The following ZBTB16 variants were observed in gnomAD, a reference collection of about 807,000 sequenced individuals.
ZBTB16 encodes zinc finger and BTB domain-containing protein 16.
ZBTB16 carries 8 observed loss-of-function variants against 56.8 expected under a neutral mutation model. The ratio of observed to expected loss-of-function variants is 0.14; its 90% confidence interval spans 0.08 to 0.25. ZBTB16 has a LOEUF of 0.25. Ranked by LOEUF, ZBTB16 falls within the 10% of genes least tolerant of loss-of-function variation. The pLI, the probability that ZBTB16 is intolerant of heterozygous loss-of-function variation, is 1.00. For synonymous variants in ZBTB16, 363 were observed against 368.5 expected, an observed-to-expected ratio of 0.98 and a Z score of 0.17; for missense variants, 625 against 903.0, an observed-to-expected ratio of 0.69 and a Z score of 3.95.
rs1301172755 is a variant in ZBTB16 at position 114,253,846 on chromosome 11, G to C, written c.*3291G>C. Among the ~76,000 whole-genome samples, 1 of 152,164 alleles carries C rather than the reference G, an allele frequency of 6.6e-6. No individual in the cohort carries two copies. The highest frequency in any genetic ancestry group is 1.5e-5 in the Non-Finnish European group (1 of 68,032). On this transcript the variant is annotated 3_prime_UTR_variant, in exon 7 of 7. Coordinates refer to ENST00000335953, the MANE Select transcript of ZBTB16 (RefSeq NM_006006.6). ...TCTGGAGTTAAGGGGAGAGGAGGAGGGTAGACAGGGGTCTCTCCCCAGGTG... is the reference window on the plus strand; with the variant it reads ...TCTGGAGTTAAGGGGAGAGGAGGAGCGTAGACAGGGGTCTCTCCCCAGGTG...
At chr11:114,066,769 T>G in intron 2 of ZBTB16, among the ~76,000 whole-genome samples, 1 of 1,986 alleles carries the variant, frequency 5.0e-4, no homozygotes, top group East Asian at 0.019. Context: ...ACTCACTACA[T>G]TTTTTTTTTT....
At chr11:114,179,976 T>G (rs545480765) in intron 3 of ZBTB16, among the ~76,000 whole-genome samples, 1 of 152,266 alleles carries the variant, frequency 6.6e-6, no homozygotes, top group Non-Finnish European at 1.5e-5. Flanking sequence ...AAGCTTTATG[T>G]TTTTGAAAGT....
rs766176520 is a variant in ZBTB16 at position 114,156,323 on chromosome 11, C to T, written c.1269-14C>T. 2 of 1,614,082 alleles carry T rather than the reference C, an allele frequency of 1.2e-6. No individual in the cohort carries two copies. The highest frequency in any genetic ancestry group is 2.2e-5 in the East Asian group (1 of 44,886). On this transcript the variant is annotated splice_polypyrimidine_tract_variant and intron_variant, in intron 2 of 6. Coordinates refer to ENST00000335953, the MANE Select transcript of ZBTB16 (RefSeq NM_006006.6). ...CCAGAGCAGCAGCAACCTCTCTTTT[C>T]CTTTCCCTTACAGGAAGCTGCACAG... is the stretch of plus-strand genomic sequence containing the variant.
chr11:114,089,584 A>G (rs895390136), intron 2 of ZBTB16, among the ~76,000 whole-genome samples: 11 of 152,230 alleles, frequency 7.2e-5, no homozygotes, highest in African/African-American at 2.7e-4. Flanking sequence ...AGTCCTCTCC[A>G]GACTGCCTGG....
Position 114,252,972 on chromosome 11 carries a change from A to G in ZBTB16, c.*2417A>G, listed in dbSNP as rs542623116. Among the ~76,000 whole-genome samples the G allele has an allele frequency of 2.6e-5, 4 of 152,320 alleles. No homozygotes were observed. In the South Asian group the frequency reaches 8.3e-4, roughly 32 times the overall value. ...AACGACTTAGTGTTTTGGAAAGGAAAAGAAGTTAAACTTGAAATACGTGAC... is the reference window on the plus strand; with the variant it reads ...AACGACTTAGTGTTTTGGAAAGGAAGAGAAGTTAAACTTGAAATACGTGAC... On this transcript the variant is annotated 3_prime_UTR_variant, in exon 7 of 7. Coordinates refer to ENST00000335953, the MANE Select transcript of ZBTB16 (RefSeq NM_006006.6).
At chr11:114,242,941 C>G (rs1944742481) in intron 5 of ZBTB16, among the ~76,000 whole-genome samples, 1 of 152,166 alleles carries the variant, frequency 6.6e-6, no homozygotes, top group African/African-American at 2.4e-5. Flanking sequence ...TCAGCCAGTT[C>G]CAGGTGATGG....
At chr11:114,233,074 C>CACGG (rs1317369318) in intron 4 of ZBTB16, among the ~76,000 whole-genome samples, 1 of 47,306 alleles carries the variant, frequency 2.1e-5, no homozygotes, top group African/African-American at 7.0e-5. Flanking sequence ...CATGCGCGCG[C>CACGG]GCGCGCGCAC....
At chr11:114,238,257 G>A (rs919011922) in intron 4 of ZBTB16, among the ~76,000 whole-genome samples, 3 of 152,208 alleles carry the variant, frequency 2.0e-5, no homozygotes, top group Non-Finnish European at 4.4e-5. Flanking sequence ...CCCCATGTGT[G>A]CCCAGAGTCA....
intron 3 of ZBTB16, among the ~76,000 whole-genome samples, chr11:114,173,897 C>T (rs983158772): frequency 6.6e-6 from 1 of 152,190 alleles, no homozygotes. Context: ...TATGATAGAA[C>T]ATCTTGCTTG....
At chr11:114,092,294 G>T (rs1023897067) in intron 2 of ZBTB16, among the ~76,000 whole-genome samples, 2 of 152,220 alleles carry the variant, frequency 1.3e-5, no homozygotes, top group African/African-American at 4.8e-5. Context: ...TAGGGGAGAA[G>T]CGAGGGAGAG....
At chr11:114,187,231 A>T (rs1057155752) in intron 4 of ZBTB16, 193 bp downstream of exon 4, 3 of 683,686 alleles carry the variant, frequency 4.4e-6, no homozygotes, top group Admixed American at 2.0e-5. Flanking sequence ...GAAGTTTACA[A>T]GTATGACATG....
chr11:114,063,200 C>G lies in ZBTB16; in HGVS notation c.-90-11C>G, dbSNP rs1386599287. 1 of 1,344,910 alleles carries G rather than the reference C, an allele frequency of 7.4e-7. No homozygotes were observed. Among genetic ancestry groups the G allele is most frequent in the East Asian group, 2.5e-5 (1 of 40,736 alleles). The allele number at this position is 1,344,910 out of a possible 1,614,324, so 83.3% of individuals were successfully genotyped here. ...CATCTCTTTTGCTTCTTCCCCTCTT[C>G]TTTCTCCTAGCCTCCTCTATTGGCC... is the stretch of plus-strand genomic sequence containing the variant. On this transcript the variant is annotated splice_polypyrimidine_tract_variant and intron_variant, in intron 1 of 6. Transcript: ENST00000335953. The surrounding 1 kb of genome is among the most constrained non-coding windows in gnomAD (Gnocchi z 6.5).
At chr11:114,200,684 C>A (rs560880839) in intron 4 of ZBTB16, among the ~76,000 whole-genome samples, 1 of 152,150 alleles carries the variant, frequency 6.6e-6, no homozygotes, top group Non-Finnish European at 1.5e-5. Flanking sequence ...TCCCCACATC[C>A]GAGTCCTGAA....
intron 4 of ZBTB16, among the ~76,000 whole-genome samples, chr11:114,226,841 A>G (rs1319783912): frequency 6.6e-6 from 1 of 152,180 alleles, no homozygotes; most frequent in African/African-American, 2.4e-5. Context: ...GGGTAATGGG[A>G]AATGCTAGTG....
chr11:114,142,800 A>G (rs1941991051), intron 2 of ZBTB16, among the ~76,000 whole-genome samples: 1 of 152,118 alleles, frequency 6.6e-6, no homozygotes, highest in Non-Finnish European at 1.5e-5. Flanking sequence ...AAAGCTTTTC[A>G]TGAAGTTATG....
intron 5 of ZBTB16, among the ~76,000 whole-genome samples, chr11:114,244,581 G>A (rs61904705): frequency 2.3e-3 from 345 of 152,160 alleles, no homozygotes; most frequent in Non-Finnish European, 4.1e-3. Flanking sequence ...GGTGCACACC[G>A]TGCTTCCAAA....
intron 2 of ZBTB16, among the ~76,000 whole-genome samples, chr11:114,119,996 G>A (rs972054583): frequency 3.3e-5 from 5 of 152,188 alleles, no homozygotes; most frequent in South Asian, 2.1e-4. Context: ...GGGATTTCTT[G>A]GAGAAAGATT....
At chr11:114,125,172 A>G (rs565969345) in intron 2 of ZBTB16, among the ~76,000 whole-genome samples, 2 of 152,342 alleles carry the variant, frequency 1.3e-5, no homozygotes, top group East Asian at 1.9e-4. Flanking sequence ...AAAGATATCT[A>G]TAAAGAATTA....
At chr11:114,142,338 A>G (rs1330114330) in intron 2 of ZBTB16, among the ~76,000 whole-genome samples, 1 of 152,214 alleles carries the variant, frequency 6.6e-6, no homozygotes, top group Non-Finnish European at 1.5e-5. Flanking sequence ...AAGCCTTGAA[A>G]TGACAAAGTA....
Sources: gnomAD v4.1 joint callset for allele counts (sites outside exome capture counted in the v4.1 genomes callset) on GRCh38, gnomAD v4.1.1 for gene constraint, Gnocchi (gnomAD v3.1) non-coding constraint, MANE v1.5 for transcripts, NCBI Gene and HGNC (gene_info 2026-07-23, HGNC 2026-07-21) for gene names.